The following MLLT10 variants were observed in gnomAD, a reference collection of about 807,000 sequenced individuals.
The protein encoded by MLLT10 is protein AF-10.
Under a neutral mutation model 129.1 loss-of-function variants are expected in MLLT10, and 30 were observed. The observed-to-expected ratio is 0.23, with a 90% CI of 0.17 to 0.32. The LOEUF (loss-of-function observed/expected upper bound fraction) is 0.32. MLLT10 is among the 10% of genes least tolerant of loss of function. The pLI is 1.00. For missense variants in MLLT10, 1,119 were observed against 1,268.3 expected (o/e 0.88, Z 1.79); for synonymous variants, 490 against 446.4 (o/e 1.10, Z -1.23).
intron 4 of MLLT10, among the ~76,000 whole-genome samples, chr10:21,594,508 G>A (rs1375617828): frequency 2.2e-4 from 32 of 144,936 alleles, no homozygotes; most frequent in African/African-American, 8.3e-4. Flanking sequence ...AGACGAGATC[G>A]CGCCACTGCT....
At chr10:21,708,585 C>T in intron 13 of MLLT10, 1 of 984,778 alleles carries the variant, frequency 1.0e-6, no homozygotes, top group Non-Finnish European at 1.2e-6. Context: ...TTTTTTTTAC[C>T]AGTAAACTGA....
rs372600761 is a variant in MLLT10 at position 21,555,673 on chromosome 10, C to G, written c.240+16761C>G. Among the ~76,000 whole-genome samples, 1,325 of 142,434 alleles carry G rather than the reference C, an allele frequency of 9.3e-3. 19 individuals carry two copies. The highest frequency in any genetic ancestry group is 0.032 in the African/African-American group (1,249 of 38,530). The allele number at this position is 142,434 out of a possible 152,430, so 93.4% of individuals were successfully genotyped here. A position where few individuals can be genotyped will look rare whatever the true frequency, so the allele number is the denominator to read the frequency against. ...TCTCAGCCTTGATTCAAATGTAAGA[C>G]AATTTTTTTTTTTTTTTTTTTGAGA... On this transcript the variant is annotated intron_variant, in intron 3 of 22. Transcript: ENST00000307729.
In MLLT10 at chr10:21,617,220, G is replaced by A. The variant is rs200764581; in HGVS notation, c.699+13G>A. The A allele has an allele frequency of 6.9e-7, 1 of 1,452,866 alleles. No homozygotes were observed. Among genetic ancestry groups the A allele is most frequent in the Non-Finnish European group, 9.2e-7 (1 of 1,084,042 alleles). The allele number at this position is 1,452,866 out of a possible 1,614,324, so 90.0% of individuals were successfully genotyped here. On this transcript the variant is annotated intron_variant, in intron 8 of 22. Transcript: ENST00000307729. The stretch of plus-strand genomic sequence containing the variant: ...GAAAGAGAAAAAAGTAAGTGGATTT[G>A]TTGTTGCTAAATTTGTAGCACATCT...
Position 21,688,386 on chromosome 10 carries a change from C to G in MLLT10, c.1699+6129C>G, listed in dbSNP as rs76053997. 7.2e-4 allele frequency: 654 copies of G among 913,026 alleles called. 3 individuals are homozygous for G. The African/African-American group carries it at 9.2e-3, about 13-fold the overall frequency. The allele number at this position is 913,026 out of a possible 1,614,324, so 56.6% of individuals were successfully genotyped here. A position where few individuals can be genotyped will look rare whatever the true frequency, so the allele number is the denominator to read the frequency against. ...TTTTAACCCTGATGATCCACCCCCACACTGCACCCCATCATAATATCTTCA... is the reference window on the plus strand; with the variant it reads ...TTTTAACCCTGATGATCCACCCCCAGACTGCACCCCATCATAATATCTTCA... On this transcript the variant is annotated intron_variant, in intron 13 of 22. Transcript: ENST00000307729.
intron 13 of MLLT10, among the ~76,000 whole-genome samples, chr10:21,689,359 C>T (rs993666054): frequency 6.0e-5 from 9 of 151,224 alleles, no homozygotes; most frequent in African/African-American, 2.2e-4. Flanking sequence ...AGTTCAAGGC[C>T]AGGGAAAATT....
intron 9 of MLLT10, among the ~76,000 whole-genome samples, chr10:21,665,160 G>C (rs1215669968): frequency 1.3e-5 from 2 of 151,694 alleles, no homozygotes; most frequent in Non-Finnish European, 1.5e-5. Context: ...TGGCCAGGCT[G>C]GTCCTGAACT....
intron 5 of MLLT10, among the ~76,000 whole-genome samples, chr10:21,600,843 A>G (rs972225746): frequency 5.3e-5 from 8 of 151,528 alleles, no homozygotes; most frequent in African/African-American, 1.9e-4. Context: ...CCTCTCCCCA[A>G]CCCTAGTTAC....
intron 21 of MLLT10, chr10:21,738,426 C>T (rs1483554641): frequency 7.8e-7 from 1 of 1,288,892 alleles, no homozygotes; most frequent in Admixed American, 2.3e-5. Flanking sequence ...GTCTCATTTC[C>T]AGAACATGGT....
intron 19 of MLLT10, 41 bp downstream of exon 19, chr10:21,733,633 T>A: frequency 6.8e-7 from 1 of 1,470,464 alleles, no homozygotes; most frequent in Non-Finnish European, 9.1e-7. Flanking sequence ...TTGATTTACT[T>A]GTGAATAATA....
At chr10:21,733,180 T>C (rs746844949) in intron 18 of MLLT10, 93 bp downstream of exon 18, 3 of 1,249,954 alleles carry the variant, frequency 2.4e-6, no homozygotes, top group Non-Finnish European at 2.2e-6. Context: ...ACCAGTTATA[T>C]GAAGATGTAG....
intron 8 of MLLT10, among the ~76,000 whole-genome samples, chr10:21,638,638 G>A (rs141511457): frequency 3.9e-5 from 6 of 152,188 alleles, no homozygotes; most frequent in African/African-American, 7.2e-5. Context: ...GCCCAGGAGC[G>A]TGAGACCCCA....
At chr10:21,661,584 AATTAGC>A in intron 9 of MLLT10, 1 of 152,264 alleles carries the variant, frequency 6.6e-6, no homozygotes, top group East Asian at 1.9e-4. Flanking sequence ...GCTTTTTGAA[AATTAGC>A]ATTAGCACAG....
intron 5 of MLLT10, among the ~76,000 whole-genome samples, chr10:21,598,186 G>A (rs1479904038): frequency 6.6e-6 from 1 of 152,084 alleles, no homozygotes; most frequent in Admixed American, 6.5e-5. Context: ...CTGATTATTT[G>A]TATTAGTATG....
chr10:21,717,707 CTCCTCCTCT>C (rs2056783534), intron 14 of MLLT10, among the ~76,000 whole-genome samples: 3 of 85,674 alleles, frequency 3.5e-5, no homozygotes, highest in Admixed American at 1.2e-4. Context: ...CCTCTTCCTC[CTCCTCCTCT>C]TCCTCCTCCT....
chr10:21,569,995 T>C (rs2040028869), intron 3 of MLLT10, among the ~76,000 whole-genome samples: 2 of 152,180 alleles, frequency 1.3e-5, no homozygotes, highest in African/African-American at 4.8e-5. Flanking sequence ...TTGCAATCTC[T>C]GCCTCCTGGC....
chr10:21,562,838 T>TTTTG (rs2039027900), intron 3 of MLLT10, among the ~76,000 whole-genome samples: 1 of 141,030 alleles, frequency 7.1e-6, no homozygotes, highest in African/African-American at 2.7e-5. Context: ...TTTTTTTTTT[T>TTTTG]GAGACAGTTT....
At chr10:21,553,489 C>G (rs1489492703) in intron 3 of MLLT10, among the ~76,000 whole-genome samples, 1 of 151,456 alleles carries the variant, frequency 6.6e-6, no homozygotes, top group Non-Finnish European at 1.5e-5. Context: ...CTATGCCCAG[C>G]TCAGTTTTGT....
intron 8 of MLLT10, among the ~76,000 whole-genome samples, chr10:21,645,479 G>T (rs1053847159): frequency 1.3e-5 from 2 of 152,130 alleles, no homozygotes; most frequent in Admixed American, 6.5e-5. Context: ...TTCTATTTCA[G>T]TGTAAAGAAT....
chr10:21,728,892 G>C lies in MLLT10; in HGVS notation c.2063+964G>C, dbSNP rs528411530. On this transcript the variant is annotated intron_variant, in intron 16 of 22. Coordinates refer to ENST00000307729, the MANE Select transcript of MLLT10 (RefSeq NM_001195626.3). ...TTTTTTTTTTTTTTTTTTCCAAAAT[G>C]AACTTTTTCATGTGATGACAGATCA... Among the ~76,000 whole-genome samples, 29 of 144,216 alleles carry C rather than the reference G, an allele frequency of 2.0e-4. No individual in the cohort carries two copies. The South Asian group carries it at 6.5e-3, about 32-fold the overall frequency. The allele number at this position is 144,216 out of a possible 152,430, so 94.6% of individuals were successfully genotyped here.
Sources: allele counts gnomAD v4.1 joint callset (sites outside exome capture counted in the v4.1 genomes callset), GRCh38; gene constraint gnomAD v4.1.1; transcripts MANE v1.5; gene names NCBI Gene and HGNC (gene_info 2026-07-23, HGNC 2026-07-21).